The following MYD88 variants were observed in gnomAD, a reference collection of about 807,000 sequenced individuals.
MYD88 encodes MYD88 innate immune signal transduction adaptor, also known as myeloid differentiation primary response protein MyD88.
A neutral mutation model predicts 31.1 loss-of-function variants in MYD88; 15 were observed. The observed-to-expected ratio is 0.48, with a 90% confidence interval of 0.32 to 0.74. MYD88 has a LOEUF of 0.74. Among genes scored for constraint, MYD88 ranks in the 30% least tolerant of loss-of-function variants. The probability of loss-of-function intolerance (pLI) is 0.03; values close to 1 mark genes in which losing one functional copy is unlikely to be tolerated. For missense variants in MYD88, 308 were observed against 387.4 expected, an observed-to-expected ratio of 0.79 and a Z score of 1.72; for synonymous variants, 157 against 158.8, an observed-to-expected ratio of 0.99 and a Z score of 0.08.
In MYD88 at chr3:38,142,165, C is replaced by T. The variant is rs1325657135; in HGVS notation, c.*879C>T. ...GCAGGGAGCCTTCCTCCCTGGGCCA[C>T]CTGCAGAGAGCTTTCCCACCAACTT... On this transcript the variant is annotated 3_prime_UTR_variant, in exon 5 of 5. Coordinates refer to ENST00000650905, the MANE Select transcript of MYD88 (RefSeq NM_002468.5). 2 of 233,178 alleles carry T rather than the reference C, an allele frequency of 8.6e-6. No individual in the cohort carries two copies. Among genetic ancestry groups the T allele is most frequent in the East Asian group, 6.0e-5 (1 of 16,602 alleles). 14.4% of individuals were successfully genotyped at this position (233,178 alleles called of 1,614,324 possible).
Position 38,138,963 on chromosome 3 carries a change from G to T in MYD88, c.263G>T (p.Arg88Leu), listed in dbSNP as rs1261806075. Residue 88 changes from arginine (R) to leucine (L), a missense_variant, in exon 1 of 5, where the codon CGA becomes CTA. Coordinates refer to ENST00000650905, the MANE Select transcript of MYD88 (RefSeq NM_002468.5). The surrounding 1 kb of genome is among the most constrained non-coding windows in gnomAD (Gnocchi z 6.4). Reference protein sequence around the residue: ...WQGRPGASVGRLLELLTKLGR... With the variant: ...WQGRPGASVGLLLELLTKLGR... Reference sequence around the variant, plus strand: ...GGACGCCCTGGCGCCTCTGTAGGCCGACTGCTCGAGCTGCTTACCAAGCTG... The same window carrying T: ...GGACGCCCTGGCGCCTCTGTAGGCCTACTGCTCGAGCTGCTTACCAAGCTG... 6.2e-7 allele frequency: 1 copy of T among 1,609,380 alleles called. No homozygotes were observed. The highest frequency in any genetic ancestry group is 1.1e-5 in the South Asian group (1 of 91,078).
chr3:38,138,944 C>T lies in MYD88; in HGVS notation c.244C>T (p.Pro82Ser). The T allele has an allele frequency of 6.2e-7, 1 of 1,611,112 alleles. No homozygotes were observed. Among genetic ancestry groups the T allele is most frequent in the Non-Finnish European group, 8.5e-7 (1 of 1,180,002 alleles). ...GCTGCTGGACGCCTGGCAGGGACGC[C>T]CTGGCGCCTCTGTAGGCCGACTGCT... Reference protein sequence around the residue: ...GRLLDAWQGRPGASVGRLLEL... With the variant: ...GRLLDAWQGRSGASVGRLLEL... The change falls in exon 1 of 5, where the codon CCT becomes TCT. Residue 82 changes from proline (P) to serine (S), a missense_variant. Physicochemically the swap from Pro to Ser is moderately conservative, Grantham distance 74. Transcript: ENST00000650905. The surrounding 1 kb of genome is among the most constrained non-coding windows in gnomAD (Gnocchi z 6.4).
In MYD88 at chr3:38,139,047, T is replaced by C; in HGVS notation, c.328+19T>C. ...AGCATTGGTGAGGACGTCCCCTTCC[T>C]GGCCTCGTACCTGGGGGGTGAGGAG... On this transcript the variant is annotated intron_variant, in intron 1 of 4. Transcript: ENST00000650905. The surrounding 1 kb of genome is among the most constrained non-coding windows in gnomAD (Gnocchi z 4.7). 6.3e-7 allele frequency: 1 copy of C among 1,597,020 alleles called. No homozygotes were observed. Among genetic ancestry groups the C allele is most frequent in the African/African-American group, 1.3e-5 (1 of 74,956 alleles).
rs1701054392 is a variant in MYD88, at chr3:38,140,582, C to T, written c.644+14C>T. The T allele has an allele frequency of 6.2e-7, 1 of 1,614,114 alleles. No individual in the cohort carries two copies. The highest frequency in any genetic ancestry group is 2.2e-5 in the East Asian group (1 of 44,888). On this transcript the variant is annotated intron_variant, in intron 3 of 4. Transcript: ENST00000650905. ...CATCGAAAAGAGGTTGGCTAGAAGG[C>T]CACGGGGTGGGTGCGTGGATGCATG...
intron 3 of MYD88, 47 bp downstream of exon 3, chr3:38,140,615 G>A: frequency 6.2e-7 from 1 of 1,613,142 alleles, no homozygotes; most frequent in Non-Finnish European, 8.5e-7. Context: ...ATGAAGCCCT[G>A]CCCTGGGGTC....
chr3:38,139,170 G>A lies in MYD88; in HGVS notation c.328+142G>A. 1.7e-6 allele frequency: 2 copies of A among 1,161,600 alleles called. No individual in the cohort carries two copies. Among genetic ancestry groups the A allele is most frequent in the South Asian group, 1.6e-5 (1 of 61,500 alleles). 72.0% of individuals were successfully genotyped at this position (1,161,600 alleles called of 1,614,324 possible). A position where few individuals can be genotyped will look rare whatever the true frequency, so the allele number is the denominator to read the frequency against. On this transcript the variant is annotated intron_variant, in intron 1 of 4. Coordinates refer to ENST00000650905, the MANE Select transcript of MYD88 (RefSeq NM_002468.5). This position sits in a 1 kb window ranked among gnomAD's most constrained non-coding sequence, Gnocchi z 4.7. The stretch of plus-strand genomic sequence containing the variant: ...AGCCTGCAGAGGGAGAACCATGCGG[G>A]TCCCGTTCCTTCTTAATAACCGGTC...
In MYD88 at chr3:38,139,748, G is replaced by A; in HGVS notation, c.329-116G>A. On this transcript the variant is annotated intron_variant, in intron 1 of 4. Transcript: ENST00000650905. The surrounding 1 kb of genome is among the most constrained non-coding windows in gnomAD (Gnocchi z 4.7). ...AGCTTCGCGTGGCACCAGTGAACTG[G>A]GGAAGCCCTCTAGAACAACCCAGCC... 7.2e-7 allele frequency: 1 copy of A among 1,381,376 alleles called. No homozygotes were observed. The highest frequency in any genetic ancestry group is 1.0e-6 in the Non-Finnish European group (1 of 992,824). The allele number at this position is 1,381,376 out of a possible 1,614,324, so 85.6% of individuals were successfully genotyped here.
rs1198628625 is a variant in MYD88 at position 38,140,478 on chromosome 3, C to T, written c.554C>T (p.Thr185Ile). ...VQEMIRQLEQ[T>I]NYRLKLCVSD... ...GAGATGATCCGGCAACTGGAACAGA[C>T]AAACTATCGACTGAAGTTGTGTGTG... Residue 185 changes from threonine (T) to isoleucine (I), a missense_variant, in exon 3 of 5, where the codon ACA becomes ATA. Thr to Ile is a moderately conservative substitution (Grantham distance 89, BLOSUM62 -1). Coordinates refer to ENST00000650905, the MANE Select transcript of MYD88 (RefSeq NM_002468.5). The T allele has an allele frequency of 6.2e-7, 1 of 1,614,248 alleles. No individual in the cohort carries two copies. Among genetic ancestry groups the T allele is most frequent in the Non-Finnish European group, 8.5e-7 (1 of 1,180,042 alleles).
chr3:38,140,276 C>A, intron 2 of MYD88, 112 bp from the exon 3 acceptor site: 1 of 1,243,612 alleles, frequency 8.0e-7, no homozygotes, highest in Non-Finnish European at 1.1e-6. Flanking sequence ...TGAGGAGTAT[C>A]ATCTTGGGAA....
rs1315241690 is a variant in MYD88 at position 38,138,677 on chromosome 3, G to C, written c.-24G>C. 1.9e-6 allele frequency: 3 copies of C among 1,571,028 alleles called. No homozygotes were observed. The highest frequency in any genetic ancestry group is 3.5e-5 in the Admixed American group (2 of 57,186). On this transcript the variant is annotated 5_prime_UTR_variant, in exon 1 of 5. Transcript: ENST00000650905. This position sits in a 1 kb window ranked among gnomAD's most constrained non-coding sequence, Gnocchi z 6.4. ...CTGGCAGACAATGCGACCCGACCGCGCTGAGGCTCCAGGACCGCCCGCCAT... is the reference window on the plus strand; with the variant it reads ...CTGGCAGACAATGCGACCCGACCGCCCTGAGGCTCCAGGACCGCCCGCCAT...
In MYD88 at chr3:38,139,726, T is replaced by C; in HGVS notation, c.329-138T>C. On this transcript the variant is annotated intron_variant, in intron 1 of 4. Transcript: ENST00000650905. The surrounding 1 kb of genome is among the most constrained non-coding windows in gnomAD (Gnocchi z 4.7). Reference sequence around the variant, plus strand: ...GCTCAACTTCTCAGAGCCGTTGAGCTTCGCGTGGCACCAGTGAACTGGGGA... The same window carrying C: ...GCTCAACTTCTCAGAGCCGTTGAGCCTCGCGTGGCACCAGTGAACTGGGGA... 1 of 1,113,082 alleles carries C rather than the reference T, an allele frequency of 9.0e-7. No individual in the cohort carries two copies. Among genetic ancestry groups the C allele is most frequent in the Non-Finnish European group, 1.3e-6 (1 of 756,788 alleles). The allele number at this position is 1,113,082 out of a possible 1,614,324, so 69.0% of individuals were successfully genotyped here. A position where few individuals can be genotyped will look rare whatever the true frequency, so the allele number is the denominator to read the frequency against.
Position 38,139,124 on chromosome 3 carries a change from C to G in MYD88, c.328+96C>G. 8 of 1,453,452 alleles carry G rather than the reference C, an allele frequency of 5.5e-6. No homozygotes were observed. Among genetic ancestry groups the G allele is most frequent in the Non-Finnish European group, 7.3e-6 (8 of 1,099,880 alleles). The allele number at this position is 1,453,452 out of a possible 1,614,324, so 90.0% of individuals were successfully genotyped here. On this transcript the variant is annotated intron_variant, in intron 1 of 4. Transcript: ENST00000650905. This position sits in a 1 kb window ranked among gnomAD's most constrained non-coding sequence, Gnocchi z 4.7. Reference sequence around the variant, plus strand: ...TGTCTCCCATGGAGAGACCCCATTTCCTGCCTCGGGGGCCCGAAGAAGCCT... The same window carrying G: ...TGTCTCCCATGGAGAGACCCCATTTGCTGCCTCGGGGGCCCGAAGAAGCCT...
rs775152571 is a variant in MYD88, at chr3:38,142,995, A to T, written c.*1709A>T. 8 of 232,454 alleles carry T rather than the reference A, an allele frequency of 3.4e-5. No homozygotes were observed. Among genetic ancestry groups the T allele is most frequent in the Non-Finnish European group, 6.8e-5 (8 of 117,642 alleles). 14.4% of individuals were successfully genotyped at this position (232,454 alleles called of 1,614,324 possible). A position where few individuals can be genotyped will look rare whatever the true frequency, so the allele number is the denominator to read the frequency against. On this transcript the variant is annotated 3_prime_UTR_variant, in exon 5 of 5. Transcript: ENST00000650905. ...AATATATCTTGCATCCTGAGTTTAT[A>T]ATAATAAATAATATTCTACCTTGGA...
At position 38,139,136 on chromosome 3, in the gene MYD88, G is replaced by C; in HGVS notation, c.328+108G>C. On this transcript the variant is annotated intron_variant, in intron 1 of 4. Coordinates refer to ENST00000650905, the MANE Select transcript of MYD88 (RefSeq NM_002468.5). The surrounding 1 kb of genome is among the most constrained non-coding windows in gnomAD (Gnocchi z 4.7). ...AGAGACCCCATTTCCTGCCTCGGGG[G>C]CCCGAAGAAGCCTGCAGAGGGAGAA... 7.2e-7 allele frequency: 1 copy of C among 1,391,312 alleles called. No individual in the cohort carries two copies. The highest frequency in any genetic ancestry group is 1.4e-5 in the African/African-American group (1 of 69,276). The allele number at this position is 1,391,312 out of a possible 1,614,324, so 86.2% of individuals were successfully genotyped here. A position where few individuals can be genotyped will look rare whatever the true frequency, so the allele number is the denominator to read the frequency against.
intron 4 of MYD88, 132 bp from the exon 5 acceptor site, chr3:38,141,000 T>G: frequency 7.0e-7 from 1 of 1,420,526 alleles, no homozygotes; most frequent in Non-Finnish European, 9.9e-7. Flanking sequence ...GTGTGTGCCT[T>G]TTTGTGTGAG....
chr3:38,140,998 CT>C, intron 4 of MYD88, 133 bp from the exon 5 acceptor site: 3 of 1,413,210 alleles, frequency 2.1e-6, no homozygotes, highest in Non-Finnish European at 3.0e-6. Flanking sequence ...ATGTGTGTGC[CT>C]TTTTGTGTGA....
Position 38,141,366 on chromosome 3 carries a change from A to T in MYD88, c.*80A>T, listed in dbSNP as rs1474222717. Reference sequence around the variant, plus strand: ...CTGCCCTGCCTCCTCCTTTCGTTGTAGGAGGAATCTGTGCTCTACTTACCT... The same window carrying T: ...CTGCCCTGCCTCCTCCTTTCGTTGTTGGAGGAATCTGTGCTCTACTTACCT... On this transcript the variant is annotated 3_prime_UTR_variant, in exon 5 of 5. Transcript: ENST00000650905. 1 of 1,578,218 alleles carries T rather than the reference A, an allele frequency of 6.3e-7. No homozygotes were observed. Among genetic ancestry groups the T allele is most frequent in the African/African-American group, 1.4e-5 (1 of 74,058 alleles).
chr3:38,140,918 C>T (rs1306217749), intron 4 of MYD88, 70 bp downstream of exon 4: 26 of 1,497,194 alleles, frequency 1.7e-5, no homozygotes, highest in Non-Finnish European at 2.4e-5. Context: ...TGTCAGCCTT[C>T]CCTCCCCAAG....
rs945903820 is a variant in MYD88, at chr3:38,142,167, T to C, written c.*881T>C. 59 of 233,326 alleles carry C rather than the reference T, an allele frequency of 2.5e-4. No homozygotes were observed. Among genetic ancestry groups the C allele is most frequent in the African/African-American group, 1.3e-3 (59 of 45,478 alleles). 14.5% of individuals were successfully genotyped at this position (233,326 alleles called of 1,614,324 possible). Reference sequence around the variant, plus strand: ...AGGGAGCCTTCCTCCCTGGGCCACCTGCAGAGAGCTTTCCCACCAACTTTG... The same window carrying C: ...AGGGAGCCTTCCTCCCTGGGCCACCCGCAGAGAGCTTTCCCACCAACTTTG... On this transcript the variant is annotated 3_prime_UTR_variant, in exon 5 of 5. Transcript: ENST00000650905.
Sources: gnomAD v4.1 joint callset for allele counts on GRCh38, gnomAD v4.1.1 for gene constraint, Gnocchi (gnomAD v3.1) non-coding constraint, MANE v1.5 for transcripts, NCBI Gene and HGNC (gene_info 2026-07-23, HGNC 2026-07-21) for gene names.